RIC1: variants seen among roughly 807,000 people sequenced by gnomAD.
RIC1 encodes the protein guanine nucleotide exchange factor subunit RIC1.
RIC1 carries 88 observed loss-of-function variants against 169.0 expected under a neutral mutation model. The observed-to-expected ratio is 0.52, with a 90% CI of 0.44 to 0.62. RIC1 has a LOEUF of 0.62. Ranked by LOEUF, RIC1 falls within the 20% of genes least tolerant of loss-of-function variation. The pLI is 0.00. For synonymous variants in RIC1, 790 were observed against 601.5 expected, an observed-to-expected ratio of 1.31 and a Z score of -4.59; for missense variants, 1,877 against 1,725.5, an observed-to-expected ratio of 1.09 and a Z score of -1.56.
rs117837690 is a variant in RIC1 at position 5,635,178 on chromosome 9, C to G, written c.144+5725C>G. Among the ~76,000 whole-genome samples, 186 of 152,234 alleles carry G rather than the reference C, an allele frequency of 1.2e-3. 5 individuals are homozygous for G. The East Asian group carries it at 0.029, about 23-fold the overall frequency. ...AATTTTTTGAAGAGATGTGGTCTTGCTGTGTTGCCCAGGCCGGTCTCAGAC... is the reference window on the plus strand; with the variant it reads ...AATTTTTTGAAGAGATGTGGTCTTGGTGTGTTGCCCAGGCCGGTCTCAGAC... On this transcript the variant is annotated intron_variant, in intron 1 of 25. Transcript: ENST00000414202.
chr9:5,764,451 T>C (rs1162463676), intron 19 of RIC1, among the ~76,000 whole-genome samples: 2 of 152,186 alleles, frequency 1.3e-5, no homozygotes, highest in Non-Finnish European at 2.9e-5. Flanking sequence ...CTCCTGAAAA[T>C]TTATTTCATT....
At chr9:5,704,467 C>T (rs1822435693) in intron 3 of RIC1, among the ~76,000 whole-genome samples, 1 of 152,116 alleles carries the variant, frequency 6.6e-6, no homozygotes, top group Non-Finnish European at 1.5e-5. Flanking sequence ...CTGTCTTGGC[C>T]CCCCAAAGTG....
rs189563731 is a variant in RIC1 at position 5,690,956 on chromosome 9, T to G, written c.332+918T>G. Among the ~76,000 whole-genome samples the G allele has an allele frequency of 1.3e-4, 20 of 151,940 alleles. No homozygotes were observed. In the East Asian group the frequency reaches 3.5e-3, roughly 26 times the overall value. On this transcript the variant is annotated intron_variant, in intron 3 of 25. Coordinates refer to ENST00000414202, the MANE Select transcript of RIC1 (RefSeq NM_020829.4). ...CAAATAAAATAAACGTTAAATAAAA[T>G]AAACCCAAATAAAATAAACATTAAA...
In RIC1 at chr9:5,734,585, C is replaced by T. The variant is rs929125590; in HGVS notation, c.812+2106C>T. Among the ~76,000 whole-genome samples the T allele has an allele frequency of 4.3e-5, 6 of 138,046 alleles. No homozygotes were observed. The Middle Eastern group carries it at 0.018, about 408-fold the overall frequency. The allele number at this position is 138,046 out of a possible 152,430, so 90.6% of individuals were successfully genotyped here. On this transcript the variant is annotated intron_variant, in intron 7 of 25. Coordinates refer to ENST00000414202, the MANE Select transcript of RIC1 (RefSeq NM_020829.4). ...ACAAAAATATGCATACAAAGTAGTA[C>T]ATAATCCAGATATTCATAGTTTTAA...
intron 3 of RIC1, among the ~76,000 whole-genome samples, chr9:5,708,845 G>T (rs920017597): frequency 6.6e-6 from 1 of 151,874 alleles, no homozygotes; most frequent in Admixed American, 6.6e-5. Context: ...CTTGCCTTTG[G>T]ACTTCCATCA....
At chr9:5,749,305 G>A (rs4742122) in intron 12 of RIC1, among the ~76,000 whole-genome samples, 37,068 of 152,080 alleles carry the variant, frequency 0.24, 4,994 homozygotes, top group East Asian at 0.5. Context: ...CCTGTATTTC[G>A]CTGGCACTCC....
intron 2 of RIC1, among the ~76,000 whole-genome samples, chr9:5,681,422 G>C (rs1820832681): frequency 6.6e-6 from 1 of 151,712 alleles, no homozygotes; most frequent in Non-Finnish European, 1.5e-5. Flanking sequence ...CGCAGGAGCA[G>C]GTTGTTCAGT....
At chr9:5,671,398 C>G (rs12350149) in intron 2 of RIC1, among the ~76,000 whole-genome samples, 1 of 152,028 alleles carries the variant, frequency 6.6e-6, no homozygotes, top group Non-Finnish European at 1.5e-5. Context: ...GCCTTACCCT[C>G]CCAAGTAGTT....
chr9:5,672,314 C>A (rs888390012), intron 2 of RIC1, among the ~76,000 whole-genome samples: 1 of 152,108 alleles, frequency 6.6e-6, no homozygotes, highest in East Asian at 1.9e-4. Flanking sequence ...AAATATGTGG[C>A]TCCTATTGAT....
chr9:5,670,327 G>A (rs548323936), intron 2 of RIC1, among the ~76,000 whole-genome samples: 1 of 152,256 alleles, frequency 6.6e-6, no homozygotes, highest in East Asian at 1.9e-4. Context: ...TTCTTAGCCT[G>A]TGCCCAGAAT....
At chr9:5,696,462 T>G (rs1821911503) in intron 3 of RIC1, among the ~76,000 whole-genome samples, 1 of 152,144 alleles carries the variant, frequency 6.6e-6, no homozygotes, top group African/African-American at 2.4e-5. Context: ...AGGTCAGACA[T>G]CTGTTGTACT....
At chr9:5,708,896 T>A (rs1336228796) in intron 3 of RIC1, among the ~76,000 whole-genome samples, 1 of 152,162 alleles carries the variant, frequency 6.6e-6, no homozygotes, top group African/African-American at 2.4e-5. Flanking sequence ...TTCCCATAAG[T>A]CTTTAAACTG....
intron 1 of RIC1, among the ~76,000 whole-genome samples, chr9:5,642,222 C>G (rs1176150277): frequency 6.9e-6 from 1 of 145,126 alleles, no homozygotes; most frequent in Non-Finnish European, 1.5e-5. Context: ...TTTTCTGTTA[C>G]TTTCTTCCAA....
intron 2 of RIC1, among the ~76,000 whole-genome samples, chr9:5,676,949 T>G (rs561630015): frequency 1.3e-5 from 2 of 152,348 alleles, no homozygotes; most frequent in South Asian, 4.1e-4. Context: ...TTGACTTGTT[T>G]CCCGTTTGGG....
intron 3 of RIC1, among the ~76,000 whole-genome samples, chr9:5,695,691 A>G (rs780923428): frequency 3.0e-4 from 46 of 150,972 alleles, no homozygotes; most frequent in Non-Finnish European, 5.5e-4. Context: ...TCATGTCTCA[A>G]TCCTGAGTAG....
chr9:5,772,581 G>T lies in RIC1; in HGVS notation c.3634G>T (p.Gly1212Cys), dbSNP rs1294191571. The change falls in exon 24 of 26, where the codon GGT becomes TGT. Residue 1212 changes from glycine to cysteine, a missense_variant. Gly to Cys is a radical substitution (Grantham distance 159). Coordinates refer to ENST00000414202, the MANE Select transcript of RIC1 (RefSeq NM_020829.4). ...TTCATCAGGTGATGAATGCAGTATT[G>T]GTTCAGCCACAGACTTGACTGAAAG... ...LSNKGDECSI[G>C]SATDLTESSS... The T allele has an allele frequency of 2.5e-6, 4 of 1,610,916 alleles. No homozygotes were observed. Among genetic ancestry groups the T allele is most frequent in the African/African-American group, 1.3e-5 (1 of 74,888 alleles).
chr9:5,635,413 A>G (rs1817924890), intron 1 of RIC1, among the ~76,000 whole-genome samples: 1 of 152,140 alleles, frequency 6.6e-6, no homozygotes, highest in Non-Finnish European at 1.5e-5. Flanking sequence ...CAGTTTTTCT[A>G]ACACTATGGT....
rs753863995 is a variant in RIC1, at chr9:5,746,047, G to T, written c.1212G>T (p.Gln404His). 1 of 1,613,582 alleles carries T rather than the reference G, an allele frequency of 6.2e-7. No homozygotes were observed. Among genetic ancestry groups the T allele is most frequent in the South Asian group, 1.1e-5 (1 of 91,050 alleles). Residue 404 changes from glutamine (Q) to histidine (H), a missense_variant, in exon 11 of 26, where the codon CAG (glutamine) becomes CAT (histidine). This residue lies in a region of RIC1 where 1,104 missense variants were observed against 992.0 expected (regional missense o/e 1.11). Coordinates refer to ENST00000414202, the MANE Select transcript of RIC1 (RefSeq NM_020829.4). ...VVKQPSILLF[Q>H]FIKSVLTVNP... is the part of the protein sequence containing the mutation. Reference sequence around the variant, plus strand: ...AACAGCCCAGCATCCTGTTATTTCAGTTTATTAAGAGTGTACTCACTGTAA... The same window carrying T: ...AACAGCCCAGCATCCTGTTATTTCATTTTATTAAGAGTGTACTCACTGTAA...
Position 5,656,665 on chromosome 9 carries a change from C to T in RIC1, c.227C>T (p.Pro76Leu). The change falls in exon 2 of 26, where the codon CCA (proline) becomes CTA (leucine). Residue 76 changes from proline (P) to leucine (L), a missense_variant. Transcript: ENST00000414202. ...TCCTACAAGCAAGCTGAATGGAGGC[C>T]AGATAGTACCATGATAGCTGTATCA... ...FGSYKQAEWR[P>L]DSTMIAVSTA... 1 of 1,605,542 alleles carries T rather than the reference C, an allele frequency of 6.2e-7. No individual in the cohort carries two copies. The highest frequency in any genetic ancestry group is 8.5e-7 in the Non-Finnish European group (1 of 1,173,958).
Sources: gnomAD v4.1 joint callset for allele counts (sites outside exome capture counted in the v4.1 genomes callset) on GRCh38, gnomAD v4.1.1 for gene constraint, gnomAD v4.1.1 regional missense constraint, MANE v1.5 for transcripts, NCBI Gene and HGNC (gene_info 2026-07-23, HGNC 2026-07-21) for gene names.